RAF1: variants seen among roughly 807,000 people sequenced by gnomAD.
RAF1 encodes RAF proto-oncogene serine/threonine-protein kinase.
RAF1 carries 27 observed loss-of-function variants against 81.1 expected under a neutral mutation model. The observed-to-expected ratio is 0.33, with a 90% CI of 0.25 to 0.46. The LOEUF (loss-of-function observed/expected upper bound fraction) is 0.46, where lower values mean the gene tolerates loss of function less well. RAF1 is among the 20% of genes least tolerant of loss of function. RAF1 has a pLI of 1.00. For missense variants in RAF1, 598 were observed against 826.0 expected (o/e 0.72, Z 3.38); for synonymous variants, 298 against 294.0 (o/e 1.01, Z -0.14).
At chr3:12,633,872 T>C (rs1263101919) in intron 1 of RAF1, among the ~76,000 whole-genome samples, 2 of 149,856 alleles carry the variant, frequency 1.3e-5, no homozygotes, top group East Asian at 2.0e-4. Context: ...GAGGCAGAGA[T>C]TGCAGTGAGC....
intron 1 of RAF1, among the ~76,000 whole-genome samples, chr3:12,645,408 A>G (rs1224295925): frequency 1.3e-5 from 2 of 152,184 alleles, no homozygotes; most frequent in African/African-American, 4.8e-5. Context: ...AGTAAAATTC[A>G]AAAGGTTTAG....
At position 12,584,518 on chromosome 3, in the gene RAF1, A is replaced by G. The variant is rs760591831; in HGVS notation, c.2003T>C (p.Phe668Ser). The G allele has an allele frequency of 3.7e-6, 6 of 1,614,172 alleles. No homozygotes were observed. The highest frequency in any genetic ancestry group is 5.1e-6 in the Non-Finnish European group (6 of 1,180,040). The change falls in exon 18 of 18, where the codon TTC (phenylalanine) becomes TCC (serine). Residue 668 changes from phenylalanine to serine, a missense_variant. Around this residue, in one of 5 missense-constraint regions of RAF1, gnomAD observed 147 missense variants for 196.1 expected, o/e 0.75. Transcript: ENST00000442415. ...TGAAGACAGGTGCAAAGTCAACTAG[A>G]AGACAGGCAGCCTCGGGGACGTGGT... is the stretch of plus-strand genomic sequence containing the variant.
chr3:12,607,949 CAAAAAAAAAA>C (rs58308841), intron 5 of RAF1, among the ~76,000 whole-genome samples: 4 of 66,860 alleles, frequency 6.0e-5, no homozygotes, highest in Non-Finnish European at 1.1e-4. Context: ...GACTTGTCTC[CAAAAAAAAAA>C]AAAAAAAAAA....
At chr3:12,662,741 G>C (rs1310299094) in intron 1 of RAF1, among the ~76,000 whole-genome samples, 1 of 151,972 alleles carries the variant, frequency 6.6e-6, no homozygotes, top group Admixed American at 6.6e-5. Context: ...TTCAAAACTC[G>C]ACTCAGAAGT....
chr3:12,663,693 C>G (rs2060957806), intron 1 of RAF1, 120 bp downstream of exon 1: 4 of 389,704 alleles, frequency 1.0e-5, no homozygotes, highest in South Asian at 1.4e-4. Flanking sequence ...CCCAAGCCCT[C>G]TGCCCGGCAG....
At chr3:12,603,559 TAAAG>T (rs756559557) in intron 7 of RAF1, 3 of 692,672 alleles carry the variant, frequency 4.3e-6, no homozygotes, top group African/African-American at 1.8e-5. Context: ...CAATGAGAAA[TAAAG>T]AAGAATAAAG....
At chr3:12,644,322 T>C (rs1342799906) in intron 1 of RAF1, among the ~76,000 whole-genome samples, 1 of 152,218 alleles carries the variant, frequency 6.6e-6, no homozygotes, top group Non-Finnish European at 1.5e-5. Context: ...GAAAATGTTA[T>C]TTTATCAACG....
Position 12,642,053 on chromosome 3 carries a change from C to G in RAF1, c.-27+21760G>C, listed in dbSNP as rs146930244. ...ATTTCAGCTTCTCGGGACGCTGAGG[C>G]AGAAGAATTGCTTGAACCCAGGAGG... On this transcript the variant is annotated intron_variant, in intron 1 of 17. Coordinates refer to ENST00000442415, the MANE Select transcript of RAF1 (RefSeq NM_001354689.3). Among the ~76,000 whole-genome samples the G allele has an allele frequency of 1.4e-4, 21 of 152,100 alleles. No homozygotes were observed. In the East Asian group the frequency reaches 4.1e-3, roughly 30 times the overall value.
chr3:12,602,371 A>C (rs1216515845), intron 8 of RAF1, among the ~76,000 whole-genome samples: 2 of 152,220 alleles, frequency 1.3e-5, no homozygotes, highest in Non-Finnish European at 2.9e-5. Flanking sequence ...AATTGTGCTA[A>C]TTCTTTTATA....
intron 11 of RAF1, among the ~76,000 whole-genome samples, chr3:12,592,731 CTTTTTTTT>C (rs35189562): frequency 1.9e-5 from 2 of 107,226 alleles, no homozygotes; most frequent in African/African-American, 3.8e-5. Flanking sequence ...TTAAAAGCCA[CTTTTTTTT>C]TTTTTTTTTT....
intron 11 of RAF1, among the ~76,000 whole-genome samples, chr3:12,594,182 G>C (rs1056252099): frequency 6.6e-6 from 1 of 152,098 alleles, no homozygotes; most frequent in South Asian, 2.1e-4. Flanking sequence ...GGTTGACTGT[G>C]GGGACTCAGA....
intron 5 of RAF1, among the ~76,000 whole-genome samples, chr3:12,606,526 G>A (rs551859169): frequency 1.6e-4 from 24 of 152,056 alleles, no homozygotes; most frequent in African/African-American, 5.5e-4. Flanking sequence ...AAACATACAG[G>A]CTCCTGTGTG....
Position 12,584,470 on chromosome 3 carries a change from C to A in RAF1, c.*44G>T, listed in dbSNP as rs762765833. The A allele has an allele frequency of 2.5e-6, 4 of 1,613,416 alleles. No individual in the cohort carries two copies. The highest frequency in any genetic ancestry group is 3.3e-4 in the Middle Eastern group (2 of 5,974). ...GGAGCAGAAAAGTGGTGCCTGCTGGCTTCTCCTCCTCCCCTGGCAGCCTGA... is the reference window on the plus strand; with the variant it reads ...GGAGCAGAAAAGTGGTGCCTGCTGGATTCTCCTCCTCCCCTGGCAGCCTGA... On this transcript the variant is annotated 3_prime_UTR_variant, in exon 18 of 18. Coordinates refer to ENST00000442415, the MANE Select transcript of RAF1 (RefSeq NM_001354689.3).
chr3:12,584,019 G>C lies in RAF1; in HGVS notation c.*495C>G, dbSNP rs12808. ...GGCTCCTTCGGGCGGCCAGAGTCTCGGCAGTCCTGGGCTGTTTGGTGCCTT... is the reference window on the plus strand; with the variant it reads ...GGCTCCTTCGGGCGGCCAGAGTCTCCGCAGTCCTGGGCTGTTTGGTGCCTT... On this transcript the variant is annotated 3_prime_UTR_variant, in exon 18 of 18. Transcript: ENST00000442415. 4.0e-6 allele frequency: 1 copy of C among 252,422 alleles called. No homozygotes were observed. Among genetic ancestry groups the C allele is most frequent in the South Asian group, 1.2e-4 (1 of 8,036 alleles). 15.6% of individuals were successfully genotyped at this position (252,422 alleles called of 1,614,324 possible).
At chr3:12,601,736 G>A (rs1410104907) in intron 8 of RAF1, among the ~76,000 whole-genome samples, 2 of 151,930 alleles carry the variant, frequency 1.3e-5, no homozygotes, top group Non-Finnish European at 2.9e-5. Context: ...AACATAATTC[G>A]GAATTTAACA....
intron 1 of RAF1, among the ~76,000 whole-genome samples, chr3:12,643,082 T>C (rs1169631270): frequency 1.3e-5 from 2 of 152,034 alleles, no homozygotes; most frequent in African/African-American, 2.4e-5. Context: ...TTTTAAAAAG[T>C]CTAAACACTG....
intron 11 of RAF1, among the ~76,000 whole-genome samples, chr3:12,597,442 G>A (rs2058720532): frequency 6.6e-6 from 1 of 152,064 alleles, no homozygotes; most frequent in African/African-American, 2.4e-5. Context: ...CTTTTAGCTG[G>A]GGCTTTTAAA....
intron 1 of RAF1, among the ~76,000 whole-genome samples, chr3:12,640,286 A>G (rs2125528740): frequency 6.6e-6 from 1 of 152,288 alleles, no homozygotes; most frequent in South Asian, 2.1e-4. Flanking sequence ...CCTAGGCAAT[A>G]CCATTCAGGA....
At chr3:12,639,294 C>T (rs888938697) in intron 1 of RAF1, among the ~76,000 whole-genome samples, 2 of 152,122 alleles carry the variant, frequency 1.3e-5, no homozygotes, top group East Asian at 3.9e-4. Context: ...TGGAAGCATT[C>T]CCTTTGAAAA....
Sources: allele counts gnomAD v4.1 joint callset (sites outside exome capture counted in the v4.1 genomes callset), GRCh38; gene constraint gnomAD v4.1.1; regional missense constraint gnomAD v4.1.1; transcripts MANE v1.5; gene names NCBI Gene and HGNC (gene_info 2026-07-23, HGNC 2026-07-21).